MGST1: variants seen among roughly 807,000 people sequenced by gnomAD.
MGST1 encodes glutathione S-transferase 12.
In MGST1, 5 loss-of-function variants were observed where a neutral mutation model predicts 8.9. The observed-to-expected ratio is 0.56, with a 90% CI of 0.29 to 1.19. The LOEUF is 1.19. MGST1 is among the 50% of genes most tolerant of loss of function. The pLI is 0.08. For missense variants in MGST1, 182 were observed against 187.4 expected, an observed-to-expected ratio of 0.97 and a Z score of 0.17; for synonymous variants, 54 against 67.8, an observed-to-expected ratio of 0.80 and a Z score of 1.00.
chr12:16,489,927 G>C (rs939516988), intron 4 of MGST1, among the ~76,000 whole-genome samples: 3 of 151,966 alleles, frequency 2.0e-5, no homozygotes, highest in Non-Finnish European at 4.4e-5. Context: ...GAGTTACTTT[G>C]GTCAAAAAAA....
chr12:16,482,083 A>G lies in MGST1; in HGVS notation n.482+98479A>G, dbSNP rs1194261067. ...ATAATAACATTGAGGTGCTGAAAAT[A>G]TAATAGTCAACATAAAATTGTATTC... On this transcript the variant is annotated intron_variant and non_coding_transcript_variant, in intron 4 of 4. Transcript: ENST00000538857. This position sits in a 1 kb window ranked among gnomAD's most constrained non-coding sequence, Gnocchi z 4.2. Among the ~76,000 whole-genome samples, 1 of 152,196 alleles carries G rather than the reference A, an allele frequency of 6.6e-6. No homozygotes were observed. The highest frequency in any genetic ancestry group is 1.5e-5 in the Non-Finnish European group (1 of 68,034).
At chr12:16,512,824 A>C (rs2137180815) in intron 4 of MGST1, among the ~76,000 whole-genome samples, 1 of 152,342 alleles carries the variant, frequency 6.6e-6, no homozygotes, top group Non-Finnish European at 1.5e-5. Flanking sequence ...TTTTTTCATT[A>C]GGCTGTTTTC....
At position 16,546,726 on chromosome 12, in the gene MGST1, G is replaced by T. The variant is rs1941827736; in HGVS notation, n.483-42802G>T. Among the ~76,000 whole-genome samples the T allele has an allele frequency of 6.6e-6, 1 of 152,044 alleles. No individual in the cohort carries two copies. The highest frequency in any genetic ancestry group is 1.5e-5 in the Non-Finnish European group (1 of 68,008). On this transcript the variant is annotated intron_variant and non_coding_transcript_variant, in intron 4 of 4. Coordinates refer to the MGST1 transcript ENST00000538857. The surrounding 1 kb of genome is among the most constrained non-coding windows in gnomAD (Gnocchi z 4.7). ...AATTATTCTATAAGCTTATTGGAATGGCATTTACCAAGATAGTTGGGAAAG... is the reference window on the plus strand; with the variant it reads ...AATTATTCTATAAGCTTATTGGAATTGCATTTACCAAGATAGTTGGGAAAG...
chr12:16,476,866 T>C (rs955006173), intron 4 of MGST1, among the ~76,000 whole-genome samples: 2 of 152,192 alleles, frequency 1.3e-5, no homozygotes, highest in South Asian at 2.1e-4. Context: ...AGGATTTCTG[T>C]ATTGCAGATA....
chr12:16,489,182 G>GA (rs1941420845), intron 4 of MGST1, among the ~76,000 whole-genome samples: 1 of 152,028 alleles, frequency 6.6e-6, no homozygotes, highest in South Asian at 2.1e-4. Flanking sequence ...GTCATTTATT[G>GA]AATAATGAAT....
chr12:16,560,545 T>A lies in MGST1; in HGVS notation n.483-28983T>A, dbSNP rs756926903. The stretch of plus-strand genomic sequence containing the variant: ...TCCCGTTACACCAAAGAGCCTAGAA[T>A]AAGAAACATTTTTTTTTTTTTACAA... On this transcript the variant is annotated intron_variant and non_coding_transcript_variant, in intron 4 of 4. Coordinates refer to the MGST1 transcript ENST00000538857. The surrounding 1 kb of genome is among the most constrained non-coding windows in gnomAD (Gnocchi z 5.0). The A allele has an allele frequency of 2.5e-6, 4 of 1,583,172 alleles. No individual in the cohort carries two copies. Among genetic ancestry groups the A allele is most frequent in the South Asian group, 2.3e-5 (2 of 87,110 alleles).
At chr12:16,521,880 A>G (rs1356990293) in intron 4 of MGST1, among the ~76,000 whole-genome samples, 1 of 152,170 alleles carries the variant, frequency 6.6e-6, no homozygotes, top group East Asian at 1.9e-4. Flanking sequence ...AGTGAAAACC[A>G]TTCCGAGAAC....
chr12:16,386,375 C>A (rs1224967340), intron 1 of MGST1, among the ~76,000 whole-genome samples: 1 of 152,158 alleles, frequency 6.6e-6, no homozygotes, highest in African/African-American at 2.4e-5. Flanking sequence ...GGACTCGGCA[C>A]AACTTAGCCC....
At chr12:16,367,970 A>G (rs963961351), downstream of MGST1, among the ~76,000 whole-genome samples, 2 of 130,752 alleles carry the variant, frequency 1.5e-5, no homozygotes, top group Non-Finnish European at 3.0e-5. Context: ...CTTTCACTAC[A>G]TTAAAACACA....
intron 4 of MGST1, among the ~76,000 whole-genome samples, chr12:16,451,336 A>G (rs557883521): frequency 2.0e-5 from 3 of 151,900 alleles, no homozygotes; most frequent in East Asian, 1.9e-4. Context: ...AGTGGTATGC[A>G]TAGGGGGGTT....
rs374903905 is a variant in MGST1 at position 16,403,267 on chromosome 12, T to C, written n.778+19663T>C. On this transcript the variant is annotated intron_variant and non_coding_transcript_variant, in intron 1 of 1. Coordinates refer to the MGST1 transcript ENST00000359720. ...GACCCATAGATCATATAGACATGTG[T>C]TATTAAACACTAAATGTGTGAAGTT... Among the ~76,000 whole-genome samples, 518 of 152,300 alleles carry C rather than the reference T, an allele frequency of 3.4e-3. 2 individuals carry two copies. Among genetic ancestry groups the C allele is most frequent in the South Asian group, 6.2e-3 (30 of 4,834 alleles).
chr12:16,472,542 G>T (rs1170645414), intron 4 of MGST1, among the ~76,000 whole-genome samples: 1 of 151,886 alleles, frequency 6.6e-6, no homozygotes, highest in East Asian at 1.9e-4. Flanking sequence ...GGTATTAGTG[G>T]CTGGAGATGG....
chr12:16,399,890 G>A (rs145911700), intron 1 of MGST1: 121 of 1,259,156 alleles, frequency 9.6e-5, no homozygotes, highest in Admixed American at 1.3e-4. Flanking sequence ...AAACTGGACC[G>A]CTCAAAGTAA....
rs539888284 is a variant in MGST1, at chr12:16,555,100, A to G, written n.483-34428A>G. 6.6e-6 allele frequency among the ~76,000 whole-genome samples: 1 copy of G among 152,364 alleles called. No individual in the cohort carries two copies. Among genetic ancestry groups the G allele is most frequent in the East Asian group, 1.9e-4 (1 of 5,192 alleles). ...TATGGGATATTTTGAGTATTAAACG[A>G]ATGAGTACATGTAAAACACTCAGAA... On this transcript the variant is annotated intron_variant and non_coding_transcript_variant, in intron 4 of 4. Coordinates refer to the MGST1 transcript ENST00000538857. This position sits in a 1 kb window ranked among gnomAD's most constrained non-coding sequence, Gnocchi z 5.5.
chr12:16,400,711 G>A (rs901924094), intron 1 of MGST1: 12 of 1,383,452 alleles, frequency 8.7e-6, no homozygotes, highest in African/African-American at 2.8e-5. Flanking sequence ...GGCAATAAAA[G>A]TTGATTTGCA....
At chr12:16,499,356 T>C (rs1443857213) in intron 4 of MGST1, among the ~76,000 whole-genome samples, 2 of 152,214 alleles carry the variant, frequency 1.3e-5, no homozygotes. Context: ...AGTCTCTCTC[T>C]TCCTTTTAGA....
chr12:16,348,622 C>A (rs1159934448), intron 1 of MGST1, among the ~76,000 whole-genome samples: 1 of 151,980 alleles, frequency 6.6e-6, no homozygotes, highest in Non-Finnish European at 1.5e-5. Context: ...TGTATAGCAC[C>A]CAGGCCTCCA....
chr12:16,408,030 C>CAAAAAAAAAAAAAAA (rs200073692), intron 1 of MGST1, among the ~76,000 whole-genome samples: 14 of 44,090 alleles, frequency 3.2e-4, no homozygotes, highest in South Asian at 1.0e-3. Context: ...GACTCTGTCT[C>CAAAAAAAAAAAAAAA]AAAAAAAAAA....
At position 16,410,274 on chromosome 12, in the gene MGST1, A is replaced by G. The variant is rs1940731498; in HGVS notation, n.778+26670A>G. On this transcript the variant is annotated intron_variant and non_coding_transcript_variant, in intron 1 of 1. Coordinates refer to the MGST1 transcript ENST00000359720. The surrounding 1 kb of genome is among the most constrained non-coding windows in gnomAD (Gnocchi z 4.4). The stretch of plus-strand genomic sequence containing the variant: ...ATATTTAAAATCTATCATTTTAATT[A>G]TTTTAATGGAAGGGTTGAATCTACC... Among the ~76,000 whole-genome samples the G allele has an allele frequency of 6.6e-6, 1 of 152,140 alleles. No individual in the cohort carries two copies. The highest frequency in any genetic ancestry group is 1.5e-5 in the Non-Finnish European group (1 of 68,028).
Sources: allele counts gnomAD v4.1 joint callset (sites outside exome capture counted in the v4.1 genomes callset), GRCh38; gene constraint gnomAD v4.1.1; non-coding constraint Gnocchi (gnomAD v3.1); transcripts MANE v1.5; gene names NCBI Gene and HGNC (gene_info 2026-07-23, HGNC 2026-07-21).